Variants in SOX5 observed in about 807,000 individuals in gnomAD.
SOX5 encodes transcription factor SOX-5.
Under a neutral mutation model 92.0 loss-of-function variants are expected in SOX5, and 9 were observed. The ratio of observed to expected loss-of-function variants is 0.10; its 90% confidence interval spans 0.06 to 0.17. The LOEUF is 0.17. Among genes scored for constraint, SOX5 ranks in the 10% least tolerant of loss-of-function variants. The pLI is 1.00. For missense variants in SOX5, 642 were observed against 944.5 expected, an observed-to-expected ratio of 0.68 and a Z score of 4.20; for synonymous variants, 344 against 336.3, an observed-to-expected ratio of 1.02 and a Z score of -0.25.
intron 3 of SOX5, among the ~76,000 whole-genome samples, chr12:23,819,652 C>A (rs2096067923): frequency 6.6e-6 from 1 of 152,170 alleles, no homozygotes; most frequent in Non-Finnish European, 1.5e-5. Context: ...TTGTTCAACT[C>A]CCACTTATGA....
intron 4 of SOX5, among the ~76,000 whole-genome samples, chr12:24,187,436 T>C (rs1364531386): frequency 6.6e-6 from 1 of 152,200 alleles, no homozygotes; most frequent in African/African-American, 2.4e-5. Flanking sequence ...TACAAAGTAT[T>C]ACATCAAAGA....
chr12:24,355,601 A>T (rs1323007578), intron 2 of SOX5, among the ~76,000 whole-genome samples: 2 of 152,054 alleles, frequency 1.3e-5, no homozygotes, highest in Non-Finnish European at 2.9e-5. Flanking sequence ...CTTTCCTTAG[A>T]TCATTTTATA....
intron 2 of SOX5, among the ~76,000 whole-genome samples, chr12:24,305,838 C>T (rs914909415): frequency 2.6e-5 from 4 of 152,162 alleles, no homozygotes; most frequent in African/African-American, 9.7e-5. Flanking sequence ...CTCAGGCAAT[C>T]TGCCTGCCTC....
intron 1 of SOX5, among the ~76,000 whole-genome samples, chr12:24,413,015 A>G (rs961203801): frequency 4.6e-5 from 7 of 152,138 alleles, no homozygotes; most frequent in African/African-American, 1.7e-4. Flanking sequence ...TCGGCCTCCC[A>G]AAGTGCTGGG....
intron 2 of SOX5, among the ~76,000 whole-genome samples, chr12:24,362,398 G>T (rs577269146): frequency 6.6e-6 from 1 of 152,252 alleles, no homozygotes; most frequent in South Asian, 2.1e-4. Flanking sequence ...TAACCTCTAG[G>T]TTTTAAAATT....
intron 4 of SOX5, among the ~76,000 whole-genome samples, chr12:24,178,529 T>C (rs1246068180): frequency 6.6e-6 from 1 of 152,166 alleles, no homozygotes; most frequent in African/African-American, 2.4e-5. Context: ...TCAAGATAAG[T>C]GAGAAATACA....
Position 23,809,287 on chromosome 12 carries a change from T to C in SOX5, c.481+36696A>G, listed in dbSNP as rs536947215. 2.6e-3 allele frequency among the ~76,000 whole-genome samples: 390 copies of C among 152,082 alleles called. 2 individuals are homozygous for C. Among genetic ancestry groups the C allele is most frequent in the Non-Finnish European group, 4.5e-3 (307 of 67,908 alleles). ...TAGGAATAGGAGTAGAAAAGAGAAATATTTTTCATTTTACACCTTCTATTA... is the reference window on the plus strand; with the variant it reads ...TAGGAATAGGAGTAGAAAAGAGAAACATTTTTCATTTTACACCTTCTATTA... On this transcript the variant is annotated intron_variant, in intron 3 of 14. Transcript: ENST00000451604.
intron 1 of SOX5, among the ~76,000 whole-genome samples, chr12:24,423,970 CCATTT>C (rs1360862080): frequency 2.0e-5 from 3 of 152,168 alleles, no homozygotes; most frequent in Non-Finnish European, 1.5e-5. Context: ...AAAATTCACT[CCATTT>C]CATTTTTTTA....
chr12:24,504,828 T>G (rs1294051938), intron 1 of SOX5, among the ~76,000 whole-genome samples: 2 of 152,200 alleles, frequency 1.3e-5, no homozygotes, highest in South Asian at 4.1e-4. Context: ...CTAAAGCTAA[T>G]CTAAGCAAGG....
chr12:24,019,804 G>C (rs1954081314), intron 4 of SOX5, among the ~76,000 whole-genome samples: 1 of 152,118 alleles, frequency 6.6e-6, no homozygotes. Flanking sequence ...GTGAACTGAA[G>C]CTCCATTTTA....
At chr12:24,548,797 T>C (rs1952885149) in intron 1 of SOX5, among the ~76,000 whole-genome samples, 1 of 152,234 alleles carries the variant, frequency 6.6e-6, no homozygotes, top group Non-Finnish European at 1.5e-5. Context: ...CCTTTCTAGC[T>C]CACCCAAATC....
intron 7 of SOX5, among the ~76,000 whole-genome samples, chr12:23,663,912 A>C (rs1338989861): frequency 6.6e-6 from 1 of 152,142 alleles, no homozygotes; most frequent in East Asian, 1.9e-4. Context: ...GGAAAATAAT[A>C]TTAGATGAAT....
chr12:24,136,433 G>T (rs1260033910), intron 4 of SOX5, among the ~76,000 whole-genome samples: 1 of 152,212 alleles, frequency 6.6e-6, no homozygotes, highest in Non-Finnish European at 1.5e-5. Context: ...GGTGAAAGCC[G>T]GGTTTAAGTA....
At chr12:23,957,349 A>G (rs1428026321) in intron 4 of SOX5, among the ~76,000 whole-genome samples, 1 of 152,212 alleles carries the variant, frequency 6.6e-6, no homozygotes, top group Non-Finnish European at 1.5e-5. Context: ...TTCTGAAAAA[A>G]TTTCGTGCCT....
intron 3 of SOX5, among the ~76,000 whole-genome samples, chr12:24,256,114 T>C (rs1305941650): frequency 1.3e-4 from 20 of 152,178 alleles, no homozygotes; most frequent in Non-Finnish European, 4.4e-5. Context: ...GCCAAAGCAG[T>C]GTAATGAAAA....
intron 5 of SOX5, chr12:23,738,441 C>T (rs1227987658): frequency 1.3e-5 from 2 of 152,166 alleles, no homozygotes; most frequent in Non-Finnish European, 2.9e-5. Context: ...AGAAACATGA[C>T]CTGTAGCTAT....
intron 2 of SOX5, among the ~76,000 whole-genome samples, chr12:24,318,031 T>C (rs1949859802): frequency 6.6e-6 from 1 of 151,950 alleles, no homozygotes; most frequent in Admixed American, 6.6e-5. Flanking sequence ...TTCAACATGG[T>C]GAAACCCCAT....
chr12:24,547,327 G>A (rs974804137), intron 1 of SOX5, among the ~76,000 whole-genome samples: 1 of 151,602 alleles, frequency 6.6e-6, no homozygotes, highest in African/African-American at 2.4e-5. Context: ...GAGTAGCTGG[G>A]ACTACAGGCG....
intron 1 of SOX5, among the ~76,000 whole-genome samples, chr12:24,443,049 T>G (rs1459362716): frequency 1.3e-5 from 2 of 149,890 alleles, no homozygotes; most frequent in Non-Finnish European, 3.0e-5. Flanking sequence ...CCTCCTGGAT[T>G]CAAGCAATTC....
Sources: gnomAD v4.1 joint callset for allele counts (sites outside exome capture counted in the v4.1 genomes callset) on GRCh38, gnomAD v4.1.1 for gene constraint, MANE v1.5 for transcripts, NCBI Gene and HGNC (gene_info 2026-07-23, HGNC 2026-07-21) for gene names.